The following NLGN1 variants were observed in gnomAD, a reference collection of about 807,000 sequenced individuals.
NLGN1 encodes the protein neuroligin-1.
NLGN1 carries 12 observed loss-of-function variants against 65.5 expected under a neutral mutation model. The ratio of observed to expected loss-of-function variants is 0.18; its 90% confidence interval spans 0.12 to 0.30. NLGN1 has a LOEUF of 0.30. Among genes scored for constraint, NLGN1 ranks in the 10% least tolerant of loss-of-function variants. NLGN1 has a pLI of 1.00. For synonymous variants in NLGN1, 350 were observed against 359.5 expected (o/e 0.97, Z 0.30); for missense variants, 750 against 1,007.1 (o/e 0.74, Z 3.46).
intron 4 of NLGN1, among the ~76,000 whole-genome samples, chr3:174,095,675 T>TAC (rs1018733711): frequency 2.0e-5 from 3 of 152,042 alleles, no homozygotes; most frequent in East Asian, 1.9e-4. Context: ...GATACATATA[T>TAC]ACACACACAC....
chr3:174,263,223 A>G (rs1489601626), intron 4 of NLGN1, among the ~76,000 whole-genome samples: 1 of 150,252 alleles, frequency 6.7e-6, no homozygotes, highest in African/African-American at 2.5e-5. Context: ...GCTGAGTTCA[A>G]TTCCTGGGTA....
chr3:173,883,657 G>C (rs1042231785), intron 4 of NLGN1, among the ~76,000 whole-genome samples: 7 of 151,856 alleles, frequency 4.6e-5, no homozygotes, highest in African/African-American at 1.7e-4. Context: ...TGCACAATGT[G>C]TTTGAAACAT....
At chr3:173,844,243 T>G (rs964165275) in intron 4 of NLGN1, among the ~76,000 whole-genome samples, 1 of 152,062 alleles carries the variant, frequency 6.6e-6, no homozygotes, top group Non-Finnish European at 1.5e-5. Flanking sequence ...GAAATTTGGG[T>G]GGAGACACAG....
chr3:173,680,068 T>C (rs1763759476), intron 3 of NLGN1, among the ~76,000 whole-genome samples: 4 of 152,144 alleles, frequency 2.6e-5, no homozygotes. Flanking sequence ...AAATATGTTC[T>C]GGAAAAGTGA....
intron 4 of NLGN1, among the ~76,000 whole-genome samples, chr3:173,951,099 T>A (rs911191810): frequency 1.3e-5 from 2 of 152,122 alleles, no homozygotes; most frequent in African/African-American, 4.8e-5. Context: ...ACTCCTGACC[T>A]TAGATGATCC....
In NLGN1 at chr3:173,968,015, C is replaced by T. The variant is rs148721304; in HGVS notation, c.646+160183C>T. Among the ~76,000 whole-genome samples the T allele has an allele frequency of 4.3e-4, 65 of 152,260 alleles. 1 individual carries two copies. The East Asian group carries it at 0.01, about 24-fold the overall frequency. Reference sequence around the variant, plus strand: ...ACGCGTGTTCCAGTAACTTACAATTCAAATGCGACTGTAGAGTTTGCTGTA... The same window carrying T: ...ACGCGTGTTCCAGTAACTTACAATTTAAATGCGACTGTAGAGTTTGCTGTA... On this transcript the variant is annotated intron_variant, in intron 4 of 6. Coordinates refer to ENST00000457714, the Ensembl canonical transcript of NLGN1.
chr3:173,751,880 A>G (rs530669250), intron 3 of NLGN1, among the ~76,000 whole-genome samples: 1 of 152,220 alleles, frequency 6.6e-6, no homozygotes, highest in East Asian at 1.9e-4. Context: ...TAGGAAGCTA[A>G]GGATTAAGGA....
chr3:174,190,210 A>T (rs1399108410), intron 4 of NLGN1, among the ~76,000 whole-genome samples: 1 of 152,090 alleles, frequency 6.6e-6, no homozygotes, highest in African/African-American at 2.4e-5. Flanking sequence ...TGTGTTTTCA[A>T]ATGTAGTATT....
intron 4 of NLGN1, among the ~76,000 whole-genome samples, chr3:174,017,552 C>T (rs1252319390): frequency 2.0e-5 from 3 of 152,068 alleles, no homozygotes; most frequent in South Asian, 2.1e-4. Context: ...CATTAATTCA[C>T]GTAGGTTCTT....
intron 4 of NLGN1, among the ~76,000 whole-genome samples, chr3:174,207,059 C>T (rs1735549022): frequency 2.0e-5 from 3 of 152,102 alleles, no homozygotes; most frequent in Admixed American, 6.6e-5. Context: ...CAGAGACTGC[C>T]AGTTGACTTG....
At chr3:173,461,876 T>C (rs923719054) in intron 2 of NLGN1, among the ~76,000 whole-genome samples, 1 of 152,168 alleles carries the variant, frequency 6.6e-6, no homozygotes, top group Non-Finnish European at 1.5e-5. Context: ...ACAGTTTTCC[T>C]AGTGCCTCAA....
At chr3:174,213,110 G>A (rs1176809358) in intron 4 of NLGN1, among the ~76,000 whole-genome samples, 1 of 152,152 alleles carries the variant, frequency 6.6e-6, no homozygotes, top group Non-Finnish European at 1.5e-5. Flanking sequence ...AAACTCTGAG[G>A]ATTAGGATGT....
At chr3:173,576,851 T>C (rs996478781) in intron 2 of NLGN1, among the ~76,000 whole-genome samples, 11 of 152,208 alleles carry the variant, frequency 7.2e-5, no homozygotes, top group African/African-American at 2.7e-4. Flanking sequence ...TTAATGCTAT[T>C]CTTTCTTGAT....
At chr3:173,595,365 T>C (rs9871958) in intron 2 of NLGN1, among the ~76,000 whole-genome samples, 7,693 of 152,230 alleles carry the variant, frequency 0.051, 650 homozygotes, top group African/African-American at 0.18. Context: ...CCAGAGTCTT[T>C]GCTAAAACAT....
intron 4 of NLGN1, among the ~76,000 whole-genome samples, chr3:174,250,600 A>G (rs1744588840): frequency 6.6e-6 from 1 of 152,180 alleles, no homozygotes; most frequent in African/African-American, 2.4e-5. Flanking sequence ...GGAAGAAACA[A>G]AAGCCTGCAC....
At chr3:173,649,038 G>A (rs948194991) in intron 3 of NLGN1, among the ~76,000 whole-genome samples, 3 of 152,116 alleles carry the variant, frequency 2.0e-5, no homozygotes, top group Admixed American at 2.0e-4. Flanking sequence ...CAGATAAATT[G>A]TGAAATAAGC....
intron 3 of NLGN1, among the ~76,000 whole-genome samples, chr3:173,784,853 C>A (rs765089122): frequency 6.6e-6 from 1 of 152,090 alleles, no homozygotes; most frequent in Non-Finnish European, 1.5e-5. Context: ...TAGCAAGTCA[C>A]GCAAATAAGC....
chr3:173,547,166 A>C (rs2149251835), intron 2 of NLGN1, among the ~76,000 whole-genome samples: 1 of 152,216 alleles, frequency 6.6e-6, no homozygotes, highest in South Asian at 2.1e-4. Flanking sequence ...TTTTCTCATG[A>C]CTACTTCAGC....
intron 4 of NLGN1, among the ~76,000 whole-genome samples, chr3:173,986,763 C>T (rs1228705202): frequency 6.6e-6 from 1 of 152,176 alleles, no homozygotes; most frequent in Non-Finnish European, 1.5e-5. Flanking sequence ...GAAATCTATT[C>T]AATTGCCAGC....
Sources: gnomAD v4.1 joint callset for allele counts (sites outside exome capture counted in the v4.1 genomes callset) on GRCh38, gnomAD v4.1.1 for gene constraint, MANE v1.5 for transcripts, NCBI Gene and HGNC (gene_info 2026-07-23, HGNC 2026-07-21) for gene names.